The following TSEN2 variants were observed in gnomAD, a reference collection of about 807,000 sequenced individuals.
TSEN2 encodes the protein tRNA-splicing endonuclease subunit Sen2.
In TSEN2, 54 loss-of-function variants were observed where a neutral mutation model predicts 59.2. The ratio of observed to expected loss-of-function variants is 0.91; its 90% confidence interval spans 0.73 to 1.14. The LOEUF (loss-of-function observed/expected upper bound fraction) is 1.14, where lower values mean the gene tolerates loss of function less well. TSEN2 is among the 50% of genes most tolerant of loss of function. The pLI is 0.00. For synonymous variants in TSEN2, 195 were observed against 198.2 expected (o/e 0.98, Z 0.14); for missense variants, 636 against 576.2 (o/e 1.10, Z -1.06).
At chr3:12,507,194 A>G (rs1266965399) in intron 6 of TSEN2, among the ~76,000 whole-genome samples, 1 of 152,194 alleles carries the variant, frequency 6.6e-6, no homozygotes, top group East Asian at 1.9e-4. Context: ...CTCCGTCTCT[A>G]AAATAAAATA....
At chr3:12,517,824 GAAC>G (rs2056289580) in intron 7 of TSEN2, among the ~76,000 whole-genome samples, 1 of 152,000 alleles carries the variant, frequency 6.6e-6, no homozygotes, top group Non-Finnish European at 1.5e-5. Flanking sequence ...CTCAACATCT[GAAC>G]AACACTGGGC....
At chr3:12,528,607 C>A (rs1336148724) in intron 8 of TSEN2, among the ~76,000 whole-genome samples, 2 of 152,142 alleles carry the variant, frequency 1.3e-5, no homozygotes, top group African/African-American at 2.4e-5. Context: ...GTAGTCCTGG[C>A]AACTCAGGAG....
At chr3:12,532,582 TAGCTGTGGTGTC>T (rs1436344040) in intron 11 of TSEN2, 68 bp from the exon 12 acceptor site, 24 of 1,363,082 alleles carry the variant, frequency 1.8e-5, no homozygotes, top group East Asian at 4.6e-5. Context: ...TTGTGAAATG[TAGCTGTGGTGTC>T]AGCTGTGGTG....
In TSEN2 at chr3:12,529,762, T is replaced by A; in HGVS notation, c.1137T>A (p.Ser379Arg). Residue 379 changes from serine (S) to arginine (R), a missense_variant and splice_region_variant, in exon 10 of 12, where the codon AGT (serine) becomes AGA (arginine). Physicochemically the swap from Ser to Arg is moderately radical, Grantham distance 110 (BLOSUM62 -1). Coordinates refer to ENST00000284995, the MANE Select transcript of TSEN2 (RefSeq NM_025265.4). ...YRKGPPFYHASYSVIIELVDD... is the reference protein window; with the variant it reads ...YRKGPPFYHARYSVIIELVDD... ...AACATGCTTTTTCTGTATTTTCCAG[T>A]TATTCTGTCATTATCGAGCTAGTTG... 1.2e-6 allele frequency: 2 copies of A among 1,613,742 alleles called. No individual in the cohort carries two copies. The highest frequency in any genetic ancestry group is 1.7e-6 in the Non-Finnish European group (2 of 1,179,682).
downstream of TSEN2, among the ~76,000 whole-genome samples, chr3:12,536,859 C>T (rs777960020): frequency 9.2e-5 from 14 of 151,886 alleles, no homozygotes; most frequent in Non-Finnish European, 1.5e-4. Flanking sequence ...AAAAATTAGC[C>T]GGACGTGGTG....
chr3:12,523,822 G>A (rs990143861), intron 8 of TSEN2, among the ~76,000 whole-genome samples: 3 of 152,042 alleles, frequency 2.0e-5, no homozygotes, highest in African/African-American at 7.2e-5. Context: ...TTACAGGCGT[G>A]AGCCGTGGCA....
At chr3:12,491,462 G>A (rs115508420) in intron 2 of TSEN2, among the ~76,000 whole-genome samples, 3,964 of 152,270 alleles carry the variant, frequency 0.026, 175 homozygotes, top group African/African-American at 0.089. Context: ...AATCCAAGAG[G>A]TTTTTTTGGA....
chr3:12,505,031 ATAT>A (rs2054663791), intron 5 of TSEN2, 120 bp from the exon 6 acceptor site: 2 of 715,750 alleles, frequency 2.8e-6, no homozygotes. Flanking sequence ...ATTCTTTATA[ATAT>A]TAACACAATA....
intron 8 of TSEN2, 145 bp downstream of exon 8, chr3:12,519,342 T>C: frequency 8.0e-7 from 1 of 1,255,684 alleles, no homozygotes; most frequent in South Asian, 1.2e-5. Flanking sequence ...ATATTTGGAT[T>C]GGGTTAAGGG....
At chr3:12,512,940 T>A (rs1266578343) in intron 6 of TSEN2, among the ~76,000 whole-genome samples, 1 of 152,240 alleles carries the variant, frequency 6.6e-6, no homozygotes, top group Non-Finnish European at 1.5e-5. Flanking sequence ...AAACTATCAT[T>A]AAACTTATCC....
At chr3:12,517,060 A>C (rs998783156) in intron 7 of TSEN2, among the ~76,000 whole-genome samples, 2 of 152,190 alleles carry the variant, frequency 1.3e-5, no homozygotes, top group African/African-American at 2.4e-5. Context: ...GAATTTGCAG[A>C]TAAGGGGCCG....
intron 5 of TSEN2, 87 bp downstream of exon 5, chr3:12,503,871 G>T (rs1575313690): frequency 6.6e-7 from 1 of 1,524,468 alleles, no homozygotes; most frequent in Admixed American, 2.0e-5. Context: ...CCTGCAGCTG[G>T]TAGCTGGCCT....
chr3:12,507,754 C>T (rs2054995189), intron 6 of TSEN2, among the ~76,000 whole-genome samples: 1 of 152,196 alleles, frequency 6.6e-6, no homozygotes, highest in East Asian at 1.9e-4. Flanking sequence ...CAGTATCGCT[C>T]TTCCTGTTTC....
intron 1 of TSEN2, among the ~76,000 whole-genome samples, chr3:12,486,214 C>T (rs762456617): frequency 1.3e-5 from 2 of 152,188 alleles, no homozygotes; most frequent in South Asian, 4.1e-4. Flanking sequence ...ATGACAGTTT[C>T]CTCTTCTTAT....
intron 6 of TSEN2, among the ~76,000 whole-genome samples, chr3:12,513,045 ATTTAAT>A (rs1258696239): frequency 1.3e-5 from 2 of 152,188 alleles, no homozygotes; most frequent in Non-Finnish European, 2.9e-5. Flanking sequence ...TCTACTGATA[ATTTAAT>A]TTTAAATAAA....
intron 1 of TSEN2, among the ~76,000 whole-genome samples, chr3:12,487,636 GC>G (rs1411794759): frequency 5.9e-5 from 9 of 152,048 alleles, no homozygotes; most frequent in African/African-American, 1.7e-4. Context: ...CCAACATCCT[GC>G]CCCCAAAAAG....
intron 8 of TSEN2, among the ~76,000 whole-genome samples, chr3:12,524,439 C>G (rs542069900): frequency 6.6e-6 from 1 of 152,324 alleles, no homozygotes; most frequent in East Asian, 1.9e-4. Flanking sequence ...CATTCCTTGT[C>G]TCTTCCAGAT....
chr3:12,528,744 C>T (rs1164135752), intron 8 of TSEN2, 144 bp from the exon 9 acceptor site: 2 of 801,540 alleles, frequency 2.5e-6, no homozygotes, highest in Non-Finnish European at 2.0e-6. Flanking sequence ...AGGCATATTG[C>T]AGATGATCTG....
chr3:12,495,179 A>C (rs1410691027), intron 3 of TSEN2, among the ~76,000 whole-genome samples: 1 of 151,652 alleles, frequency 6.6e-6, no homozygotes, highest in Non-Finnish European at 1.5e-5. Flanking sequence ...TTTTTTAAAC[A>C]TAGAAATGAA....
Sources: allele counts gnomAD v4.1 joint callset (sites outside exome capture counted in the v4.1 genomes callset), GRCh38; gene constraint gnomAD v4.1.1; transcripts MANE v1.5; gene names NCBI Gene and HGNC (gene_info 2026-07-23, HGNC 2026-07-21).